Variants in SRPK2 observed in about 807,000 individuals in gnomAD.
SRPK2 encodes the protein SFRS protein kinase 2.
SRPK2 carries 21 observed loss-of-function variants against 90.8 expected under a neutral mutation model. That is an observed-to-expected ratio of 0.23 (90% CI 0.16 to 0.33). The LOEUF (loss-of-function observed/expected upper bound fraction) is 0.33, where lower values mean the gene tolerates loss of function less well. Ranked by LOEUF, SRPK2 falls within the 10% of genes least tolerant of loss-of-function variation. The probability of loss-of-function intolerance (pLI) is 1.00; values close to 1 mark genes in which losing one functional copy is unlikely to be tolerated. For missense variants in SRPK2, 620 were observed against 869.0 expected (o/e 0.71, Z 3.60); for synonymous variants, 288 against 311.1 (o/e 0.93, Z 0.78).
intron 2 of SRPK2, among the ~76,000 whole-genome samples, chr7:105,324,427 A>C (rs900479785): frequency 6.6e-6 from 1 of 151,824 alleles, no homozygotes; most frequent in Non-Finnish European, 1.5e-5. Context: ...AGTTCAAACA[A>C]TTCTCGGCCT....
At chr7:105,350,663 T>C (rs1817066900) in intron 2 of SRPK2, among the ~76,000 whole-genome samples, 4 of 151,830 alleles carry the variant, frequency 2.6e-5, no homozygotes, top group Middle Eastern at 6.8e-3. Flanking sequence ...TAGCTAGAAC[T>C]ACAGGCATAC....
chr7:105,127,659 T>C (rs1584879873), intron 13 of SRPK2, among the ~76,000 whole-genome samples: 2 of 152,298 alleles, frequency 1.3e-5, no homozygotes. Context: ...CTTTTGTGGA[T>C]GTCACGGAGC....
chr7:105,307,305 AAAG>A (rs748817610), intron 2 of SRPK2, among the ~76,000 whole-genome samples: 25 of 152,234 alleles, frequency 1.6e-4, no homozygotes, highest in Non-Finnish European at 3.2e-4. Flanking sequence ...TATTATTAAA[AAAG>A]AAGAAGAAAA....
downstream of SRPK2, among the ~76,000 whole-genome samples, chr7:105,115,945 T>C (rs146951170): frequency 3.4e-3 from 523 of 152,324 alleles, 11 homozygotes; most frequent in East Asian, 0.058. Context: ...CATGGAAACC[T>C]ACAGCCTCAT....
At chr7:105,371,707 A>ACC (rs1434361533) in intron 2 of SRPK2, among the ~76,000 whole-genome samples, 4 of 151,934 alleles carry the variant, frequency 2.6e-5, no homozygotes. Context: ...CTGCAGAGTG[A>ACC]GACCCTGTCT....
chr7:105,299,317 G>T (rs570876410), intron 2 of SRPK2, among the ~76,000 whole-genome samples: 3 of 152,288 alleles, frequency 2.0e-5, no homozygotes, highest in African/African-American at 7.2e-5. Context: ...TATGAGTGGA[G>T]TCAGGTGGAA....
chr7:105,299,473 G>A (rs545529063), intron 2 of SRPK2, among the ~76,000 whole-genome samples: 3 of 152,206 alleles, frequency 2.0e-5, no homozygotes, highest in Admixed American at 2.0e-4. Flanking sequence ...AGGAAAATTA[G>A]CAAAAGAAAC....
chr7:105,277,403 G>A (rs1038939930), intron 2 of SRPK2, among the ~76,000 whole-genome samples: 9 of 152,138 alleles, frequency 5.9e-5, no homozygotes, highest in Admixed American at 1.3e-4. Context: ...GAGACTTCTC[G>A]CTGAAATGCA....
chr7:105,341,731 G>C (rs903670302), intron 2 of SRPK2, among the ~76,000 whole-genome samples: 2 of 152,120 alleles, frequency 1.3e-5, no homozygotes, highest in Non-Finnish European at 2.9e-5. Context: ...ACTTTGGGAG[G>C]CTGAGGTGGG....
intron 2 of SRPK2, among the ~76,000 whole-genome samples, chr7:105,309,767 C>T (rs902106363): frequency 6.6e-6 from 1 of 152,158 alleles, no homozygotes; most frequent in Non-Finnish European, 1.5e-5. Flanking sequence ...AGTGATCCAG[C>T]CCACATCCAC....
At chr7:105,139,340 A>T (rs1324544276) in intron 11 of SRPK2, among the ~76,000 whole-genome samples, 4 of 152,202 alleles carry the variant, frequency 2.6e-5, no homozygotes, top group Non-Finnish European at 5.9e-5. Context: ...CACTTTAGGG[A>T]CAAGGCAAGG....
At chr7:105,246,438 G>T (rs2129628388) in intron 2 of SRPK2, among the ~76,000 whole-genome samples, 1 of 152,332 alleles carries the variant, frequency 6.6e-6, no homozygotes, top group South Asian at 2.1e-4. Flanking sequence ...TTTAGGTAGT[G>T]ATGTAAAGTA....
chr7:105,280,947 C>CAAAAAAAAA lies in SRPK2; in HGVS notation c.72-77171_72-77163dup, dbSNP rs1158350206. Among the ~76,000 whole-genome samples, 15 of 43,326 alleles carry CAAAAAAAAA rather than the reference C, an allele frequency of 3.5e-4. 1 individual carries two copies. Among genetic ancestry groups the CAAAAAAAAA allele is most frequent in the African/African-American group, 8.1e-4 (7 of 8,636 alleles). The allele number at this position is 43,326 out of a possible 152,430, so 28.4% of individuals were successfully genotyped here. On this transcript the variant is annotated intron_variant, in intron 2 of 15. Coordinates refer to ENST00000393651, the MANE Select transcript of SRPK2 (RefSeq NM_182692.3). ...GGGCGACAGAGCGAAGACTCCATCT[C>CAAAAAAAAA]AAAAAAAAAAAAAAAAAAAAAAAAA...
chr7:105,230,448 T>C (rs1037634443), intron 2 of SRPK2, among the ~76,000 whole-genome samples: 2 of 152,064 alleles, frequency 1.3e-5, no homozygotes, highest in African/African-American at 4.8e-5. Flanking sequence ...AAGCAGTAGA[T>C]AGAGAATAGG....
At chr7:105,392,883 G>C (rs544106285), upstream of SRPK2, among the ~76,000 whole-genome samples, 1 of 151,078 alleles carries the variant, frequency 6.6e-6, no homozygotes, top group African/African-American at 2.4e-5. Flanking sequence ...TGTGATCTCC[G>C]CTCATTGCAA....
At chr7:105,263,817 G>A (rs1011390341) in intron 2 of SRPK2, among the ~76,000 whole-genome samples, 1 of 151,962 alleles carries the variant, frequency 6.6e-6, no homozygotes, top group Non-Finnish European at 1.5e-5. Context: ...TCTATGATCT[G>A]GGTACTATTC....
chr7:105,335,427 A>G (rs1814978792), intron 2 of SRPK2, among the ~76,000 whole-genome samples: 1 of 152,094 alleles, frequency 6.6e-6, no homozygotes, highest in African/African-American at 2.4e-5. Flanking sequence ...TGGGAGACAG[A>G]AGCAGGAGAA....
chr7:105,146,418 G>C, intron 8 of SRPK2, 75 bp downstream of exon 8: 1 of 1,495,812 alleles, frequency 6.7e-7, no homozygotes, highest in Non-Finnish European at 9.1e-7. Context: ...GTTTGATTCA[G>C]ATACCTTCAA....
At chr7:105,257,978 G>A (rs937545914) in intron 2 of SRPK2, among the ~76,000 whole-genome samples, 2 of 151,804 alleles carry the variant, frequency 1.3e-5, no homozygotes, top group African/African-American at 4.8e-5. Context: ...GTGGTGGCAC[G>A]CGCCTGTAGT....
Sources: allele counts gnomAD v4.1 joint callset (sites outside exome capture counted in the v4.1 genomes callset), GRCh38; gene constraint gnomAD v4.1.1; transcripts MANE v1.5; gene names NCBI Gene and HGNC (gene_info 2026-07-23, HGNC 2026-07-21).